DNM3: variants seen among roughly 807,000 people sequenced by gnomAD.
DNM3 encodes the protein dynamin 3.
In DNM3, 47 loss-of-function variants were observed where a neutral mutation model predicts 101.6. The ratio of observed to expected loss-of-function variants is 0.46; its 90% CI spans 0.37 to 0.59. The LOEUF (loss-of-function observed/expected upper bound fraction) is 0.59. Among genes scored for constraint, DNM3 ranks in the 20% least tolerant of loss-of-function variants. DNM3 has a pLI of 0.00. For missense variants in DNM3, 849 were observed against 1,085.7 expected (o/e 0.78, Z 3.06); for synonymous variants, 385 against 387.9 (o/e 0.99, Z 0.09).
At chr1:172,363,494 T>A (rs2067852212) in intron 17 of DNM3, among the ~76,000 whole-genome samples, 1 of 151,952 alleles carries the variant, frequency 6.6e-6, no homozygotes, top group African/African-American at 2.4e-5. Flanking sequence ...CAATAATTTC[T>A]TCTTGAGAAT....
At chr1:172,072,744 G>A (rs959075577) in intron 11 of DNM3, among the ~76,000 whole-genome samples, 6 of 152,170 alleles carry the variant, frequency 3.9e-5, no homozygotes, top group Non-Finnish European at 8.8e-5. Flanking sequence ...AAAATTAACT[G>A]GGCATGATGG....
chr1:171,949,789 A>C (rs900811727), intron 2 of DNM3, among the ~76,000 whole-genome samples: 6 of 152,194 alleles, frequency 3.9e-5, no homozygotes, highest in Non-Finnish European at 8.8e-5. Context: ...AGTGTTGACT[A>C]GGATGCGGAG....
At chr1:171,905,559 T>C (rs1332835557) in intron 1 of DNM3, among the ~76,000 whole-genome samples, 1 of 152,116 alleles carries the variant, frequency 6.6e-6, no homozygotes, top group East Asian at 1.9e-4. Flanking sequence ...TGTCTCAAGG[T>C]AGCTGAGGAT....
chr1:172,223,210 T>A (rs1156823750), intron 14 of DNM3, among the ~76,000 whole-genome samples: 1 of 151,798 alleles, frequency 6.6e-6, no homozygotes, highest in East Asian at 1.9e-4. Flanking sequence ...TCTGTTGATC[T>A]CTTCCCATCC....
intron 1 of DNM3, among the ~76,000 whole-genome samples, chr1:171,873,364 T>A (rs868501257): frequency 6.6e-6 from 1 of 152,190 alleles, no homozygotes; most frequent in Non-Finnish European, 1.5e-5. Flanking sequence ...AGACATTTAT[T>A]GAACACCTAC....
At position 172,152,490 on chromosome 1, in the gene DNM3, C is replaced by T. The variant is rs183954091; in HGVS notation, c.1659+21202C>T. Among the ~76,000 whole-genome samples the T allele has an allele frequency of 2.0e-3, 304 of 152,188 alleles. 1 individual carries two copies. The highest frequency in any genetic ancestry group is 7.0e-3 in the African/African-American group (291 of 41,538). ...AGATCATAAAATAATTAGTATTGCT[C>T]ACCCTGTGATTCTTATACGGGTTAG... On this transcript the variant is annotated intron_variant, in intron 14 of 20. Transcript: ENST00000627582.
At chr1:172,265,029 A>T (rs997666571) in intron 15 of DNM3, among the ~76,000 whole-genome samples, 2 of 152,086 alleles carry the variant, frequency 1.3e-5, no homozygotes, top group African/African-American at 2.4e-5. Flanking sequence ...ACAAATTTCC[A>T]TGGAATGCTT....
At chr1:172,353,378 T>G (rs1375425170) in intron 17 of DNM3, among the ~76,000 whole-genome samples, 1 of 152,188 alleles carries the variant, frequency 6.6e-6, no homozygotes, top group Non-Finnish European at 1.5e-5. Flanking sequence ...AATTAAGATT[T>G]GTAGATATAA....
chr1:171,910,982 G>A (rs2039246175), intron 1 of DNM3, among the ~76,000 whole-genome samples: 1 of 152,180 alleles, frequency 6.6e-6, no homozygotes, highest in African/African-American at 2.4e-5. Context: ...AAAGGCTTCT[G>A]TGGTTAAGGA....
In DNM3 at chr1:172,253,572, G is replaced by T; in HGVS notation, c.1660-1G>T. 6.6e-7 allele frequency: 1 copy of T among 1,515,298 alleles called. No individual in the cohort carries two copies. Among genetic ancestry groups the T allele is most frequent in the Non-Finnish European group, 8.9e-7 (1 of 1,127,866 alleles). 93.9% of individuals were successfully genotyped at this position (1,515,298 alleles called of 1,614,324 possible). A position where few individuals can be genotyped will look rare whatever the true frequency, so the allele number is the denominator to read the frequency against. On this transcript the variant is annotated splice_acceptor_variant, in intron 14 of 20. Coordinates refer to ENST00000627582, the MANE Select transcript of DNM3 (RefSeq NM_015569.5). LOFTEE classifies it high-confidence loss of function. ...TCTTTTCTTTCTCTCTCTTATAATA[G>T]GAAAAAGAAAAGAAGTACATGCTTC...
chr1:172,096,378 A>T (rs16843842), intron 13 of DNM3, among the ~76,000 whole-genome samples: 1 of 152,212 alleles, frequency 6.6e-6, no homozygotes, highest in East Asian at 1.9e-4. Flanking sequence ...AGGTGAGACA[A>T]GACTGGAAAA....
At chr1:172,082,841 C>T (rs2053257890) in intron 12 of DNM3, among the ~76,000 whole-genome samples, 1 of 152,234 alleles carries the variant, frequency 6.6e-6, no homozygotes, top group African/African-American at 2.4e-5. Context: ...AATTATCCAA[C>T]TGAAAATTAT....
At chr1:172,228,905 T>C (rs866083307) in intron 14 of DNM3, among the ~76,000 whole-genome samples, 1 of 152,142 alleles carries the variant, frequency 6.6e-6, no homozygotes, top group Non-Finnish European at 1.5e-5. Context: ...ATAAATTTTT[T>C]AAAATTTTTA....
chr1:171,848,727 T>C (rs140205136), intron 1 of DNM3, among the ~76,000 whole-genome samples: 1 of 152,342 alleles, frequency 6.6e-6, no homozygotes, highest in East Asian at 1.9e-4. Flanking sequence ...TTAGAGTGCA[T>C]TGAGTGACAT....
chr1:171,932,879 G>C (rs1473320668), intron 2 of DNM3, among the ~76,000 whole-genome samples: 1 of 152,178 alleles, frequency 6.6e-6, no homozygotes, highest in Non-Finnish European at 1.5e-5. Context: ...GGACCTTTTG[G>C]TGAGTATAGA....
intron 14 of DNM3, among the ~76,000 whole-genome samples, chr1:172,224,690 G>A (rs1393307485): frequency 6.6e-6 from 1 of 152,194 alleles, no homozygotes; most frequent in East Asian, 1.9e-4. Flanking sequence ...TTTAAAGCTA[G>A]GAGGAACCTC....
chr1:172,279,850 C>T, intron 15 of DNM3, among the ~76,000 whole-genome samples: 1 of 152,158 alleles, frequency 6.6e-6, no homozygotes, highest in East Asian at 1.9e-4. Context: ...CTGTTGTCAT[C>T]CTGCAGTTAG....
chr1:171,947,097 A>G (rs1044741701), intron 2 of DNM3, among the ~76,000 whole-genome samples: 5 of 152,210 alleles, frequency 3.3e-5, no homozygotes, highest in Non-Finnish European at 7.3e-5. Context: ...TGTCCGTTAC[A>G]TATTCATTTC....
At chr1:172,040,752 G>A (rs2049319321) in intron 7 of DNM3, among the ~76,000 whole-genome samples, 1 of 152,080 alleles carries the variant, frequency 6.6e-6, no homozygotes, top group South Asian at 2.1e-4. Context: ...AAAAGTTTCT[G>A]GGAAGAACCA....
Sources: allele counts gnomAD v4.1 joint callset (sites outside exome capture counted in the v4.1 genomes callset), GRCh38; gene constraint gnomAD v4.1.1; transcripts MANE v1.5; gene names NCBI Gene and HGNC (gene_info 2026-07-23, HGNC 2026-07-21).